FHOD3: variants seen among roughly 807,000 people sequenced by gnomAD.
FHOD3 encodes formin homology 2 domain containing 3, also known as FH1/FH2 domain-containing protein 3.
FHOD3 carries 90 observed loss-of-function variants against 173.0 expected under a neutral mutation model. That is an observed-to-expected ratio of 0.52 (90% CI 0.44 to 0.62). The LOEUF (loss-of-function observed/expected upper bound fraction) is 0.62, where lower values mean the gene tolerates loss of function less well. Among genes scored for constraint, FHOD3 ranks in the 20% least tolerant of loss-of-function variants. The pLI is 0.00. For synonymous variants in FHOD3, 828 were observed against 823.0 expected (o/e 1.01, Z -0.10); for missense variants, 1,945 against 2,034.7 (o/e 0.96, Z 0.85).
intron 2 of FHOD3, among the ~76,000 whole-genome samples, chr18:36,355,985 T>C (rs1414740876): frequency 6.6e-6 from 1 of 152,198 alleles, no homozygotes; most frequent in African/African-American, 2.4e-5. Context: ...TAGTCCCAGC[T>C]ACTCGGGAGG....
chr18:36,601,834 A>G (rs2031425221), intron 7 of FHOD3, among the ~76,000 whole-genome samples: 1 of 152,196 alleles, frequency 6.6e-6, no homozygotes, highest in Non-Finnish European at 1.5e-5. Flanking sequence ...TCAAGGTGTT[A>G]TGTGCCTCTT....
At chr18:36,455,806 G>A (rs2052165536) in intron 3 of FHOD3, among the ~76,000 whole-genome samples, 1 of 152,130 alleles carries the variant, frequency 6.6e-6, no homozygotes, top group Admixed American at 6.5e-5. Flanking sequence ...TCATAAACAG[G>A]TTGGGCTGTG....
intron 3 of FHOD3, among the ~76,000 whole-genome samples, chr18:36,414,840 G>A (rs562886878): frequency 1.3e-5 from 2 of 152,300 alleles, no homozygotes; most frequent in South Asian, 4.2e-4. Context: ...TCAGATTGAA[G>A]CTGTCAAGAG....
chr18:36,699,010 A>T (rs182999842), intron 17 of FHOD3, among the ~76,000 whole-genome samples: 1 of 152,264 alleles, frequency 6.6e-6, no homozygotes, highest in Admixed American at 6.5e-5. Flanking sequence ...TGGGCAATAA[A>T]CCAACCAGAT....
chr18:36,556,867 T>C (rs2057908567), intron 5 of FHOD3, among the ~76,000 whole-genome samples: 1 of 152,222 alleles, frequency 6.6e-6, no homozygotes, highest in African/African-American at 2.4e-5. Flanking sequence ...CTGCTGTTGA[T>C]GAATTATTTT....
At chr18:36,463,096 C>T (rs2052658981) in intron 3 of FHOD3, among the ~76,000 whole-genome samples, 1 of 152,032 alleles carries the variant, frequency 6.6e-6, no homozygotes, top group South Asian at 2.1e-4. Context: ...CATGATTTCT[C>T]AACTTTTTAA....
chr18:36,571,584 C>T (rs567429833), intron 5 of FHOD3, among the ~76,000 whole-genome samples: 8 of 152,174 alleles, frequency 5.3e-5, no homozygotes, highest in South Asian at 4.1e-4. Context: ...AAAAGAAGAA[C>T]GAATAGGAAG....
intron 18 of FHOD3, among the ~76,000 whole-genome samples, chr18:36,714,552 T>A (rs2040347425): frequency 6.6e-6 from 1 of 152,118 alleles, no homozygotes; most frequent in African/African-American, 2.4e-5. Context: ...AAAAAAATAT[T>A]ACCTGATTAT....
chr18:36,629,629 A>G (rs1272106225), intron 10 of FHOD3, among the ~76,000 whole-genome samples: 2 of 152,212 alleles, frequency 1.3e-5, no homozygotes, highest in African/African-American at 4.8e-5. Flanking sequence ...AGAGCAAGGA[A>G]GTCAAAGGAA....
chr18:36,360,501 G>T (rs2046556328), intron 2 of FHOD3, among the ~76,000 whole-genome samples: 1 of 152,222 alleles, frequency 6.6e-6, no homozygotes, highest in African/African-American at 2.4e-5. Flanking sequence ...TGTGAGGCTG[G>T]TGGCTTAGAA....
At chr18:36,484,784 G>A (rs369418774) in intron 3 of FHOD3, among the ~76,000 whole-genome samples, 6 of 152,112 alleles carry the variant, frequency 3.9e-5, no homozygotes, top group African/African-American at 7.2e-5. Context: ...CCCTGCTGTC[G>A]GACCACAAAG....
chr18:36,472,276 C>T (rs1241101680), intron 3 of FHOD3, among the ~76,000 whole-genome samples: 1 of 152,146 alleles, frequency 6.6e-6, no homozygotes, highest in Non-Finnish European at 1.5e-5. Flanking sequence ...GTAATGGCAA[C>T]CTCTCTCTCA....
intron 1 of FHOD3, among the ~76,000 whole-genome samples, chr18:36,329,087 C>G (rs1471258799): frequency 6.6e-6 from 1 of 152,032 alleles, no homozygotes; most frequent in Non-Finnish European, 1.5e-5. Context: ...GCCCCGAATC[C>G]CCCATGTCTG....
At chr18:36,740,428 C>CT (rs1244920826) in intron 20 of FHOD3, among the ~76,000 whole-genome samples, 10 of 152,140 alleles carry the variant, frequency 6.6e-5, no homozygotes, top group Non-Finnish European at 1.2e-4. Context: ...TGTTTTTCAT[C>CT]TTTCTCTCAC....
intron 20 of FHOD3, among the ~76,000 whole-genome samples, chr18:36,734,664 G>C (rs2041545524): frequency 6.6e-6 from 1 of 152,186 alleles, no homozygotes; most frequent in Non-Finnish European, 1.5e-5. Context: ...CCAATACCCA[G>C]AGCTTGTTCT....
At chr18:36,639,511 A>C (rs2035137695) in intron 10 of FHOD3, among the ~76,000 whole-genome samples, 1 of 152,166 alleles carries the variant, frequency 6.6e-6, no homozygotes, top group Non-Finnish European at 1.5e-5. Flanking sequence ...AATACAAAAA[A>C]AATTAGCCGG....
At chr18:36,369,171 G>A (rs2047041191) in intron 2 of FHOD3, among the ~76,000 whole-genome samples, 2 of 152,116 alleles carry the variant, frequency 1.3e-5, no homozygotes, top group African/African-American at 2.4e-5. Context: ...AGCCATGAAG[G>A]AAGAAAAGGG....
chr18:36,303,263 A>G (rs1288691023), intron 1 of FHOD3, among the ~76,000 whole-genome samples: 1 of 152,160 alleles, frequency 6.6e-6, no homozygotes, highest in Non-Finnish European at 1.5e-5. Flanking sequence ...AGGAGCTAAG[A>G]TTTAAGGTCA....
chr18:36,683,157 C>T (rs1260612268), intron 15 of FHOD3, among the ~76,000 whole-genome samples: 1 of 152,176 alleles, frequency 6.6e-6, no homozygotes, highest in Non-Finnish European at 1.5e-5. Context: ...CACCATTTTT[C>T]ATGAGGGTAG....
Sources: allele counts gnomAD v4.1 joint callset (sites outside exome capture counted in the v4.1 genomes callset), GRCh38; gene constraint gnomAD v4.1.1; transcripts MANE v1.5; gene names NCBI Gene and HGNC (gene_info 2026-07-23, HGNC 2026-07-21).